Variants in NOL8 observed in about 807,000 individuals in gnomAD.
NOL8 encodes nucleolar protein Nop132.
Under a neutral mutation model 116.1 loss-of-function variants are expected in NOL8, and 93 were observed. That is an observed-to-expected ratio of 0.80 (90% confidence interval 0.68 to 0.95). The LOEUF (loss-of-function observed/expected upper bound fraction) is 0.95, where lower values mean the gene tolerates loss of function less well. Ranked by LOEUF, NOL8 falls within the 40% of genes least tolerant of loss-of-function variation. The pLI is 0.00. For missense variants in NOL8, 1,291 were observed against 1,382.8 expected, an observed-to-expected ratio of 0.93 and a Z score of 1.05; for synonymous variants, 419 against 469.0, an observed-to-expected ratio of 0.89 and a Z score of 1.38.
At chr9:92,319,074 T>C (rs1839684136) in intron 5 of NOL8, 147 bp downstream of exon 5, 2 of 812,046 alleles carry the variant, frequency 2.5e-6, no homozygotes, top group Admixed American at 7.2e-5. Flanking sequence ...AAATGCACCT[T>C]GAAAATCATA....
Position 92,315,285 on chromosome 9 carries a change from C to T in NOL8, c.1340G>A (p.Arg447His), listed in dbSNP as rs769194524. 3.1e-5 allele frequency: 50 copies of T among 1,613,842 alleles called. No individual in the cohort carries two copies. In the Admixed American group the frequency reaches 5.7e-4, roughly 18 times the overall value. The change falls in exon 7 of 17, where the codon CGT (arginine) becomes CAT (histidine). Residue 447 changes from arginine to histidine, a missense_variant. Physicochemically the swap from Arg to His is conservative, Grantham distance 29 (BLOSUM62 0). Coordinates refer to ENST00000442668, the MANE Select transcript of NOL8 (RefSeq NM_017948.6). ...GCTACTGGAGTGAGAGGGAGATTTA[C>T]GATTAAGAGACTTTAATCCATGACT... Reference protein sequence around the residue: ...ALSHGLKSLNRKSPSHSSSSE... With the variant: ...ALSHGLKSLNHKSPSHSSSSE...
chr9:92,315,275 G>A lies in NOL8; in HGVS notation c.1350C>T (p.Pro450=), dbSNP rs1461897210. ...CATCTTCACTGCTACTGGAGTGAGA[G>A]GGAGATTTACGATTAAGAGACTTTA... ...HGLKSLNRKS[P]SHSSSSEDAD... The change falls in exon 7 of 17, where the codon CCC becomes CCT. Residue 450 remains proline, a synonymous_variant. Coordinates refer to ENST00000442668, the MANE Select transcript of NOL8 (RefSeq NM_017948.6). The A allele has an allele frequency of 6.2e-7, 1 of 1,613,842 alleles. No homozygotes were observed. Among genetic ancestry groups the A allele is most frequent in the Non-Finnish European group, 8.5e-7 (1 of 1,179,844 alleles).
chr9:92,303,908 TAAA>T (rs952006999), intron 12 of NOL8, among the ~76,000 whole-genome samples: 1 of 152,124 alleles, frequency 6.6e-6, no homozygotes, highest in African/African-American at 2.4e-5. Flanking sequence ...AGCCCAGGGT[TAAA>T]AAAACAACAA....
Position 92,324,225 on chromosome 9 carries a change from A to T in NOL8, c.-48-16T>A, listed in dbSNP as rs1296725821. 1.3e-6 allele frequency: 2 copies of T among 1,513,082 alleles called. No individual in the cohort carries two copies. Among genetic ancestry groups the T allele is most frequent in the African/African-American group, 2.8e-5 (2 of 71,864 alleles). 93.7% of individuals were successfully genotyped at this position (1,513,082 alleles called of 1,614,324 possible). Reference sequence around the variant, plus strand: ...AAGTAATTTTCTGTATACAGAGAAGAGTTCTTTCCCTTAGTTCTTCTAAAA... The same window carrying T: ...AAGTAATTTTCTGTATACAGAGAAGTGTTCTTTCCCTTAGTTCTTCTAAAA... On this transcript the variant is annotated splice_polypyrimidine_tract_variant and intron_variant, in intron 1 of 16. Transcript: ENST00000442668.
Position 92,314,250 on chromosome 9 carries a change from A to G in NOL8, c.2358+17T>C. The G allele has an allele frequency of 6.5e-7, 1 of 1,535,952 alleles. No homozygotes were observed. The highest frequency in any genetic ancestry group is 2.1e-5 in the Admixed American group (1 of 48,552). ...TTCTGAGTTCTTGTTAAATCCATAC[A>G]TTGAAAATATACTCACCAAATTTGC... On this transcript the variant is annotated intron_variant, in intron 7 of 16. Coordinates refer to ENST00000442668, the MANE Select transcript of NOL8 (RefSeq NM_017948.6).
Position 92,323,109 on chromosome 9 carries a change from A to G in NOL8, c.202+332T>C, listed in dbSNP as rs896684206. 2.4e-5 allele frequency: 7 copies of G among 291,082 alleles called. No homozygotes were observed. The East Asian group carries it at 5.0e-4, about 21-fold the overall frequency. 18.0% of individuals were successfully genotyped at this position (291,082 alleles called of 1,614,324 possible). On this transcript the variant is annotated intron_variant, in intron 3 of 16. Transcript: ENST00000442668. ...TGTTTAGTGACAAGGATTAGCTGTC[A>G]AAGAAATGATCAGACTGAGGGGGAA...
At chr9:92,320,382 G>A in intron 4 of NOL8, 1 of 328,652 alleles carries the variant, frequency 3.0e-6, no homozygotes, top group South Asian at 2.5e-5. Flanking sequence ...GGCAACTGCT[G>A]CTGGAATGAA....
intron 11 of NOL8, among the ~76,000 whole-genome samples, chr9:92,306,115 T>C (rs899801361): frequency 6.6e-6 from 1 of 152,192 alleles, no homozygotes; most frequent in Non-Finnish European, 1.5e-5. Flanking sequence ...TGCCTCAGCC[T>C]CCCAAGTAGC....
Position 92,314,942 on chromosome 9 carries a change from T to C in NOL8, c.1683A>G (p.Pro561=). 1 of 1,613,954 alleles carries C rather than the reference T, an allele frequency of 6.2e-7. No individual in the cohort carries two copies. Among genetic ancestry groups the C allele is most frequent in the Non-Finnish European group, 8.5e-7 (1 of 1,179,890 alleles). The change falls in exon 7 of 17, where the codon CCA becomes CCG. Residue 561 remains proline (P), a synonymous_variant. Transcript: ENST00000442668. ...GEENTCGKQK[P]KENNLKPKFQ... ...ATTTTGGCTTTAAATTGTTTTCCTT[T>C]GGTTTCTGTTTGCCACAGGTGTTCT...
At position 92,319,448 on chromosome 9, in the gene NOL8, T is replaced by G. The variant is rs555844887; in HGVS notation, c.282-92A>C. 7.6e-4 allele frequency: 1,008 copies of G among 1,323,692 alleles called. 2 individuals carry two copies. The highest frequency in any genetic ancestry group is 9.7e-4 in the Non-Finnish European group (982 of 1,014,798). The allele number at this position is 1,323,692 out of a possible 1,614,324, so 82.0% of individuals were successfully genotyped here. A position where few individuals can be genotyped will look rare whatever the true frequency, so the allele number is the denominator to read the frequency against. ...TTTAGGTGTGCCTAAATGAGCACTA[T>G]AAACAGCTTTGTAGTATTAAAAACC... On this transcript the variant is annotated intron_variant, in intron 4 of 16. Transcript: ENST00000442668.
At position 92,324,172 on chromosome 9, in the gene NOL8, C is replaced by A. The variant is rs1840222247; in HGVS notation, c.-11G>T. ...TCTGTTCACTTTCATGAAGGCTGGG[C>A]ATATACTTGGGTGTGTTTCAGTGGG... On this transcript the variant is annotated 5_prime_UTR_variant, in exon 2 of 17. An upstream start codon of the reference 5' UTR is lost. Coordinates refer to ENST00000442668, the MANE Select transcript of NOL8 (RefSeq NM_017948.6). 6.2e-7 allele frequency: 1 copy of A among 1,611,976 alleles called. No individual in the cohort carries two copies. The highest frequency in any genetic ancestry group is 8.5e-7 in the Non-Finnish European group (1 of 1,178,744).
chr9:92,306,080 G>A (rs1264182254), intron 11 of NOL8, among the ~76,000 whole-genome samples: 1 of 152,088 alleles, frequency 6.6e-6, no homozygotes, highest in Non-Finnish European at 1.5e-5. Context: ...TGCAACCTCC[G>A]CCTCCCAAGT....
At position 92,315,806 on chromosome 9, in the gene NOL8, A is replaced by G; in HGVS notation, c.819T>C (p.Ser273=). 6.2e-7 allele frequency: 1 copy of G among 1,613,932 alleles called. No individual in the cohort carries two copies. ...TPSKSSPVPV[S]DTQKLKNLPF... is the part of the protein sequence containing the mutation. ...GTAGATTTTTAAGTTTCTGAGTATC[A>G]GAAACAGGTACAGGAGATGATTTAG... is the stretch of plus-strand genomic sequence containing the variant. Residue 273 remains serine (S), a synonymous_variant, in exon 7 of 17, where the codon TCT becomes TCC. Transcript: ENST00000442668.
intron 14 of NOL8, 104 bp downstream of exon 14, chr9:92,299,786 A>G (rs1837572039): frequency 1.6e-6 from 2 of 1,212,640 alleles, no homozygotes; most frequent in African/African-American, 1.5e-5. Context: ...AGAAGCTAAG[A>G]CAATTTAGTT....
intron 10 of NOL8, chr9:92,308,769 G>T (rs1414562119): frequency 6.6e-6 from 1 of 152,226 alleles, no homozygotes; most frequent in Non-Finnish European, 1.5e-5. Context: ...CTCTAGGTTA[G>T]CTGAAGAGGA....
In NOL8 at chr9:92,301,554, C is replaced by T. The variant is rs775296545; in HGVS notation, c.3172G>A (p.Glu1058Lys). 2.1e-5 allele frequency: 34 copies of T among 1,582,796 alleles called. No homozygotes were observed. The highest frequency in any genetic ancestry group is 1.7e-4 in the Middle Eastern group (1 of 5,820). ...FFDSDTKDIK[E>K]ETYRVETVKP... ...GTATGGGAAAAAAGAAAAGTACCTT[C>T]CTTTATGTCTTTAGTGTCTGAATCA... The change falls in exon 13 of 17, where the codon GAA becomes AAA. Residue 1058 changes from glutamate to lysine, a missense_variant. Transcript: ENST00000442668.
chr9:92,315,957 A>G lies in NOL8; in HGVS notation c.668T>C (p.Val223Ala). 1.1e-5 allele frequency: 18 copies of G among 1,613,878 alleles called. No homozygotes were observed. Among genetic ancestry groups the G allele is most frequent in the Non-Finnish European group, 1.4e-5 (17 of 1,179,884 alleles). ...CCCAGTGGAACTCTCATCCTTCTGC[A>G]CTTTTATTATCTTCTTGGGAGGGCC... ...FHGPPKKIIKVQKDESSTGSL... is the reference protein window; with the variant it reads ...FHGPPKKIIKAQKDESSTGSL... Residue 223 changes from valine (V) to alanine (A), a missense_variant, in exon 7 of 17, where the codon GTG (valine) becomes GCG (alanine). Coordinates refer to ENST00000442668, the MANE Select transcript of NOL8 (RefSeq NM_017948.6).
rs1428566024 is a variant in NOL8, at chr9:92,323,519, A to G, written c.140-16T>C. On this transcript the variant is annotated splice_polypyrimidine_tract_variant and intron_variant, in intron 2 of 16. Transcript: ENST00000442668. The stretch of plus-strand genomic sequence containing the variant: ...TGTGGGTTTCCTAAAAAACAAACAA[A>G]CAAACAAACAAAACAATTTATTTAA... 6.3e-7 allele frequency: 1 copy of G among 1,587,198 alleles called. No homozygotes were observed. Among genetic ancestry groups the G allele is most frequent in the Non-Finnish European group, 8.6e-7 (1 of 1,167,608 alleles).
In NOL8 at chr9:92,305,791, G is replaced by T; in HGVS notation, c.2865C>A (p.Ala955=). Residue 955 remains alanine (A), a synonymous_variant, in exon 12 of 17, where the codon GCC becomes GCA. Transcript: ENST00000442668. ...TATCATCTCTTTTTCTTTCGTAAGT[G>T]GCATGGTCTTGCTTCGTTGGATCAT... is the stretch of plus-strand genomic sequence containing the variant. The part of the protein sequence containing the change: ...IHYDPTKQDH[A]TYERKRDDKP... The T allele has an allele frequency of 6.2e-7, 1 of 1,612,552 alleles. No homozygotes were observed. Among genetic ancestry groups the T allele is most frequent in the Non-Finnish European group, 8.5e-7 (1 of 1,178,862 alleles).
Sources: allele counts gnomAD v4.1 joint callset (sites outside exome capture counted in the v4.1 genomes callset), GRCh38; gene constraint gnomAD v4.1.1; transcripts MANE v1.5; gene names NCBI Gene and HGNC (gene_info 2026-07-23, HGNC 2026-07-21).